Variants in PI4K2A observed in about 807,000 individuals in gnomAD.
PI4K2A encodes phosphatidylinositol 4-kinase type 2-alpha.
Under a neutral mutation model 55.0 loss-of-function variants are expected in PI4K2A, and 20 were observed. The ratio of observed to expected loss-of-function variants is 0.36; its 90% CI spans 0.26 to 0.53. PI4K2A has a LOEUF of 0.53. Among genes scored for constraint, PI4K2A ranks in the 20% least tolerant of loss-of-function variants. The pLI, the probability that PI4K2A is intolerant of heterozygous loss-of-function variation, is 0.91. For synonymous variants in PI4K2A, 235 were observed against 258.5 expected (o/e 0.91, Z 0.87); for missense variants, 463 against 637.1 (o/e 0.73, Z 2.94).
intron 1 of PI4K2A, among the ~76,000 whole-genome samples, chr10:97,642,993 GTCTT>G (rs1160857312): frequency 1.6e-4 from 17 of 106,272 alleles, no homozygotes; most frequent in African/African-American, 5.4e-4. Flanking sequence ...TCTCTTTCTC[GTCTT>G]TCTTTCTTTC....
At position 97,656,414 on chromosome 10, in the gene PI4K2A, A is replaced by G; in HGVS notation, c.766A>G (p.Lys256Glu). ...GTTTAACCGCATCGGGCTACCACCAAAGGTATAGACGCACCTCTGGCTTAT... is the reference window on the plus strand; with the variant it reads ...GTTTAACCGCATCGGGCTACCACCAGAGGTATAGACGCACCTCTGGCTTAT... Residue 256 changes from lysine (K) to glutamate (E), a missense_variant and splice_region_variant, in exon 3 of 9, where the codon AAG becomes GAG. Coordinates refer to ENST00000370631, the Ensembl canonical transcript of PI4K2A. The surrounding 1 kb of genome is among the most constrained non-coding windows in gnomAD (Gnocchi z 4.5). The G allele has an allele frequency of 6.2e-7, 1 of 1,613,968 alleles. No individual in the cohort carries two copies. The highest frequency in any genetic ancestry group is 8.5e-7 in the Non-Finnish European group (1 of 1,179,934).
In PI4K2A at chr10:97,656,257, C is replaced by CCTT; in HGVS notation, c.637-27_637-25dup. The CCTT allele has an allele frequency of 6.2e-7, 1 of 1,601,546 alleles. No homozygotes were observed. Among genetic ancestry groups the CCTT allele is most frequent in the East Asian group, 2.2e-5 (1 of 44,696 alleles). ...TCTGGTTCCTTAAACTTGACTCTAA[C>CCTT]CTTAGTATCTCTTCTCTTTCACTGT... is the stretch of plus-strand genomic sequence containing the variant. On this transcript the variant is annotated intron_variant, in intron 2 of 8. Coordinates refer to ENST00000370631, the Ensembl canonical transcript of PI4K2A. This position sits in a 1 kb window ranked among gnomAD's most constrained non-coding sequence, Gnocchi z 4.5.
chr10:97,672,049 CTTT>C (rs112040417), intron 8 of PI4K2A, among the ~76,000 whole-genome samples: 1 of 140,558 alleles, frequency 7.1e-6, no homozygotes, highest in Non-Finnish European at 1.6e-5. Flanking sequence ...TAATTTCTTT[CTTT>C]TTTTTTTTTG....
chr10:97,650,169 C>G (rs1404675993), intron 1 of PI4K2A, among the ~76,000 whole-genome samples: 1 of 151,328 alleles, frequency 6.6e-6, no homozygotes, highest in Non-Finnish European at 1.5e-5. Context: ...TTAGAGCCCT[C>G]GATATGTGCA....
rs2041540514 is a variant in PI4K2A, at chr10:97,653,904, G to A, written c.637-2381G>A. Among the ~76,000 whole-genome samples, 4 of 143,708 alleles carry A rather than the reference G, an allele frequency of 2.8e-5. No individual in the cohort carries two copies. In the South Asian group the frequency reaches 6.9e-4, roughly 25 times the overall value. 94.3% of individuals were successfully genotyped at this position (143,708 alleles called of 152,430 possible). On this transcript the variant is annotated intron_variant, in intron 2 of 8. Transcript: ENST00000370631. Reference sequence around the variant, plus strand: ...CACACTCTATCCTGGGCAACAGAGCGAGACTCCGTCTCAAAAAAAAAAAAT... The same window carrying A: ...CACACTCTATCCTGGGCAACAGAGCAAGACTCCGTCTCAAAAAAAAAAAAT...
intron 1 of PI4K2A, 62 bp downstream of exon 1, chr10:97,641,239 G>A: frequency 7.8e-7 from 1 of 1,280,996 alleles, no homozygotes; most frequent in Non-Finnish European, 1.1e-6. Context: ...CTGGGGAGTT[G>A]GGGGCTTCGC....
At chr10:97,651,678 T>C (rs2041530675) in intron 2 of PI4K2A, among the ~76,000 whole-genome samples, 1 of 152,178 alleles carries the variant, frequency 6.6e-6, no homozygotes, top group Admixed American at 6.6e-5. Context: ...CACATCAAAA[T>C]AGGGGTGCCA....
At chr10:97,644,361 CAAAA>C (rs74785906) in intron 1 of PI4K2A, among the ~76,000 whole-genome samples, 25,455 of 152,022 alleles carry the variant, frequency 0.17, 2,303 homozygotes, top group Non-Finnish European at 0.21. Flanking sequence ...AAAAACAAAA[CAAAA>C]GAAAAGAATT....
chr10:97,663,665 C>G (rs1429659268), intron 5 of PI4K2A, among the ~76,000 whole-genome samples: 1 of 151,168 alleles, frequency 6.6e-6, no homozygotes, highest in Non-Finnish European at 1.5e-5. Flanking sequence ...TATTAAAATG[C>G]AAAAATTAGC....
chr10:97,670,729 T>G (rs1349236859), intron 8 of PI4K2A, among the ~76,000 whole-genome samples: 1 of 152,194 alleles, frequency 6.6e-6, no homozygotes, highest in Non-Finnish European at 1.5e-5. Context: ...GCAGCAGTTG[T>G]GTAAGAGGAT....
At chr10:97,661,380 T>C (rs1458100068) in intron 4 of PI4K2A, among the ~76,000 whole-genome samples, 1 of 152,106 alleles carries the variant, frequency 6.6e-6, no homozygotes, top group Non-Finnish European at 1.5e-5. Flanking sequence ...AAAGACTTTT[T>C]TTTTTTTTTC....
chr10:97,660,873 T>G (rs1442989233), intron 4 of PI4K2A, among the ~76,000 whole-genome samples: 3 of 151,860 alleles, frequency 2.0e-5, no homozygotes, highest in African/African-American at 7.3e-5. Context: ...CATGTACTTG[T>G]TACCACCTTC....
At chr10:97,668,446 C>T (rs141548414) in intron 8 of PI4K2A, among the ~76,000 whole-genome samples, 7,104 of 152,058 alleles carry the variant, frequency 0.047, 192 homozygotes, top group Non-Finnish European at 0.06. Context: ...TGTGTGGTGG[C>T]GCACGCCTGT....
chr10:97,648,078 A>G (rs1171428226), intron 1 of PI4K2A, among the ~76,000 whole-genome samples: 1 of 146,794 alleles, frequency 6.8e-6, no homozygotes, highest in South Asian at 2.1e-4. Context: ...GGTGCATACC[A>G]CCACACTTAG....
chr10:97,640,760 A>G (rs1232701406), exon 1 of PI4K2A: 5 of 1,514,874 alleles, frequency 3.3e-6, no homozygotes, highest in African/African-American at 1.4e-5. Context: ...AGACGAGCCC[A>G]CTAGTGTCCC....
intron 1 of PI4K2A, among the ~76,000 whole-genome samples, chr10:97,646,870 G>A (rs1235351544): frequency 6.6e-6 from 1 of 152,080 alleles, no homozygotes; most frequent in East Asian, 1.9e-4. Context: ...CACCTCCTGG[G>A]TTCAAGCGAT....
intron 4 of PI4K2A, among the ~76,000 whole-genome samples, chr10:97,660,665 G>GT (rs1032806013): frequency 0.02 from 2,885 of 141,500 alleles, 52 homozygotes; most frequent in Admixed American, 0.042. Context: ...TCTTACAAGT[G>GT]TTTTTTTTTT....
intron 4 of PI4K2A, among the ~76,000 whole-genome samples, chr10:97,658,027 G>C (rs763709893): frequency 3.3e-5 from 5 of 152,096 alleles, no homozygotes. Flanking sequence ...TAGAGATGGG[G>C]TTTCACCATG....
intron 8 of PI4K2A, among the ~76,000 whole-genome samples, chr10:97,668,267 T>G (rs761185744): frequency 2.6e-5 from 4 of 152,136 alleles, no homozygotes; most frequent in Non-Finnish European, 5.9e-5. Flanking sequence ...TTTCCTCATG[T>G]TTAATGTGGG....
Sources: gnomAD v4.1 joint callset for allele counts (sites outside exome capture counted in the v4.1 genomes callset) on GRCh38, gnomAD v4.1.1 for gene constraint, Gnocchi (gnomAD v3.1) non-coding constraint, MANE v1.5 for transcripts, NCBI Gene and HGNC (gene_info 2026-07-23, HGNC 2026-07-21) for gene names.